PPP1R1C: variants seen among roughly 807,000 people sequenced by gnomAD.
PPP1R1C encodes the protein protein phosphatase 1 regulatory subunit 1C.
In PPP1R1C, 15 loss-of-function variants were observed where a neutral mutation model predicts 17.4. The observed-to-expected ratio is 0.86, with a 90% CI of 0.58 to 1.33. The LOEUF (loss-of-function observed/expected upper bound fraction) is 1.33, where lower values mean the gene tolerates loss of function less well. Among genes scored for constraint, PPP1R1C ranks in the 40% most tolerant of loss-of-function variants. PPP1R1C has a pLI of 0.00. For missense variants in PPP1R1C, 143 were observed against 130.0 expected, an observed-to-expected ratio of 1.10 and a Z score of -0.48; for synonymous variants, 35 against 43.1, an observed-to-expected ratio of 0.81 and a Z score of 0.73.
chr2:181,979,691 C>G (rs1213748543), intron 2 of PPP1R1C, among the ~76,000 whole-genome samples: 1 of 152,114 alleles, frequency 6.6e-6, no homozygotes, highest in Non-Finnish European at 1.5e-5. Flanking sequence ...TCCTCTAGGT[C>G]AGGGACTGAG....
intron 2 of PPP1R1C, among the ~76,000 whole-genome samples, chr2:182,017,236 CAT>C (rs1358088363): frequency 1.3e-5 from 2 of 151,996 alleles, no homozygotes; most frequent in Non-Finnish European, 2.9e-5. Flanking sequence ...GAAACACACT[CAT>C]ATATGTATGT....
chr2:182,043,899 G>A (rs1416760869), intron 2 of PPP1R1C, among the ~76,000 whole-genome samples: 1 of 152,090 alleles, frequency 6.6e-6, no homozygotes, highest in African/African-American at 2.4e-5. Context: ...TCACTACTGA[G>A]AGTGACTATA....
At chr2:182,030,743 A>C (rs1366070522) in intron 2 of PPP1R1C, 2 of 151,894 alleles carry the variant, frequency 1.3e-5, no homozygotes, top group African/African-American at 4.8e-5. Flanking sequence ...GGCTCCACAC[A>C]GTTCGAGCTT....
chr2:182,056,136 C>CCGTCT (rs1687678161), intron 2 of PPP1R1C, among the ~76,000 whole-genome samples: 1 of 152,164 alleles, frequency 6.6e-6, no homozygotes, highest in African/African-American at 2.4e-5. Context: ...CCACTTTCTC[C>CCGTCT]CGTCTCGCTA....
At chr2:181,983,097 G>T (rs533513475), upstream of PPP1R1C, among the ~76,000 whole-genome samples, 2 of 151,938 alleles carry the variant, frequency 1.3e-5, no homozygotes, top group Non-Finnish European at 2.9e-5. Flanking sequence ...CATATACCAC[G>T]TCATCTTAAG....
intron 2 of PPP1R1C, among the ~76,000 whole-genome samples, chr2:182,000,890 A>T (rs1254848533): frequency 6.6e-6 from 1 of 152,126 alleles, no homozygotes; most frequent in Non-Finnish European, 1.5e-5. Flanking sequence ...AAGAAGAAAG[A>T]TCCATGTATA....
At chr2:182,091,319 A>G (rs1403076198) in intron 4 of PPP1R1C, among the ~76,000 whole-genome samples, 1 of 152,186 alleles carries the variant, frequency 6.6e-6, no homozygotes, top group African/African-American at 2.4e-5. Flanking sequence ...AAATATTAAA[A>G]TGTAAGAAAC....
At chr2:181,981,255 G>A (rs1369742867), upstream of PPP1R1C, among the ~76,000 whole-genome samples, 1 of 152,202 alleles carries the variant, frequency 6.6e-6, no homozygotes, top group Admixed American at 6.5e-5. Flanking sequence ...AACACAGTAG[G>A]CACTAAATAA....
At chr2:181,971,731 A>T (rs866322089) in intron 1 of PPP1R1C, among the ~76,000 whole-genome samples, 2 of 152,016 alleles carry the variant, frequency 1.3e-5, no homozygotes, top group Non-Finnish European at 2.9e-5. Flanking sequence ...GCTTGGTAGA[A>T]CTCAGGTTCT....
intron 4 of PPP1R1C, among the ~76,000 whole-genome samples, chr2:182,094,225 T>A (rs114896450): frequency 0.019 from 2,945 of 152,236 alleles, 36 homozygotes; most frequent in Middle Eastern, 0.054. Context: ...AAACTCCCAC[T>A]TATAAAACCA....
chr2:182,125,337 C>G (rs1011123441), intron 5 of PPP1R1C, among the ~76,000 whole-genome samples: 1 of 152,122 alleles, frequency 6.6e-6, no homozygotes, highest in Non-Finnish European at 1.5e-5. Flanking sequence ...CGATGTTCAT[C>G]AGGTATATTG....
chr2:182,092,165 G>A (rs1688801180), intron 4 of PPP1R1C, among the ~76,000 whole-genome samples: 1 of 152,126 alleles, frequency 6.6e-6, no homozygotes, highest in Admixed American at 6.5e-5. Context: ...AAAGAAAGAG[G>A]TTTATTGGAC....
intron 2 of PPP1R1C, among the ~76,000 whole-genome samples, chr2:182,047,012 A>G (rs1687367592): frequency 6.6e-6 from 1 of 152,218 alleles, no homozygotes; most frequent in Non-Finnish European, 1.5e-5. Flanking sequence ...AATATTTCAA[A>G]TAGTGGTAAG....
chr2:181,959,151 T>G (rs1684720705), intron 1 of PPP1R1C, among the ~76,000 whole-genome samples: 1 of 152,242 alleles, frequency 6.6e-6, no homozygotes, highest in South Asian at 2.1e-4. Context: ...GGAGCCTCAG[T>G]CTGTAAATTT....
chr2:181,984,871 A>C (rs545490212), upstream of PPP1R1C, among the ~76,000 whole-genome samples: 62 of 152,306 alleles, frequency 4.1e-4, 2 homozygotes, highest in South Asian at 0.012. Context: ...CACTTCCTTC[A>C]TAAAAGTATT....
intron 4 of PPP1R1C, among the ~76,000 whole-genome samples, chr2:182,085,591 CTT>C (rs1688605630): frequency 6.6e-6 from 1 of 152,074 alleles, no homozygotes; most frequent in African/African-American, 2.4e-5. Flanking sequence ...TGGGAAATGT[CTT>C]ATCTTTTGTT....
rs748802951 is a variant in PPP1R1C at position 181,987,902 on chromosome 2, A to AAAG, written c.142+7_142+9dup. The AAAG allele has an allele frequency of 6.2e-7, 1 of 1,610,802 alleles. No homozygotes were observed. The highest frequency in any genetic ancestry group is 8.5e-7 in the Non-Finnish European group (1 of 1,177,444). On this transcript the variant is annotated splice_donor_region_variant and intron_variant, in intron 2 of 4. Transcript: ENST00000682840. The stretch of plus-strand genomic sequence containing the variant: ...TCTCAATGAGCATAACCCCCCAGGT[A>AAAG]AAGAAGCATGATGTGTTTCACACTG...
chr2:181,961,389 C>G lies in PPP1R1C; in HGVS notation n.111+6755C>G, dbSNP rs1684791497. On this transcript the variant is annotated intron_variant and non_coding_transcript_variant, in intron 1 of 5. Coordinates refer to the PPP1R1C transcript ENST00000464264. The surrounding 1 kb of genome is among the most constrained non-coding windows in gnomAD (Gnocchi z 5.8). ...GCTTGACCTTGATGTTCAGCAGAGC[C>G]TCGTACTCCCCGATCTGGTGCTGTC... is the stretch of plus-strand genomic sequence containing the variant. 2 of 718,394 alleles carry G rather than the reference C, an allele frequency of 2.8e-6. No individual in the cohort carries two copies. The highest frequency in any genetic ancestry group is 1.7e-5 in the African/African-American group (1 of 58,190). 44.5% of individuals were successfully genotyped at this position (718,394 alleles called of 1,614,324 possible). A position where few individuals can be genotyped will look rare whatever the true frequency, so the allele number is the denominator to read the frequency against.
intron 2 of PPP1R1C, among the ~76,000 whole-genome samples, chr2:182,039,929 C>A (rs1205204840): frequency 6.6e-6 from 1 of 152,148 alleles, no homozygotes; most frequent in Non-Finnish European, 1.5e-5. Flanking sequence ...TCCTGAATTA[C>A]TTCATTCAGA....
Sources: gnomAD v4.1 joint callset for allele counts (sites outside exome capture counted in the v4.1 genomes callset) on GRCh38, gnomAD v4.1.1 for gene constraint, Gnocchi (gnomAD v3.1) non-coding constraint, MANE v1.5 for transcripts, NCBI Gene and HGNC (gene_info 2026-07-23, HGNC 2026-07-21) for gene names.